Variants in MED12L observed in about 807,000 individuals in gnomAD.
MED12L encodes the protein mediator of RNA polymerase II transcription subunit 12-like protein.
MED12L carries 60 observed loss-of-function variants against 281.3 expected under a neutral mutation model. That is an observed-to-expected ratio of 0.21 (90% confidence interval 0.17 to 0.26). The LOEUF (loss-of-function observed/expected upper bound fraction) is 0.26. MED12L is among the 10% of genes least tolerant of loss of function. The pLI is 1.00. For missense variants in MED12L, 2,146 were observed against 2,680.9 expected, an observed-to-expected ratio of 0.80 and a Z score of 4.41; for synonymous variants, 974 against 987.2, an observed-to-expected ratio of 0.99 and a Z score of 0.25.
At chr3:151,088,934 C>T (rs1374576246) in intron 2 of MED12L, among the ~76,000 whole-genome samples, 3 of 152,106 alleles carry the variant, frequency 2.0e-5, no homozygotes, top group Non-Finnish European at 4.4e-5. Context: ...CTCTCCCAAG[C>T]AGACAGAGTT....
chr3:151,273,738 A>G lies in MED12L; in HGVS notation c.2251-76321A>G, dbSNP rs1043770013. On this transcript the variant is annotated intron_variant, in intron 16 of 44. Coordinates refer to ENST00000687756, the MANE Select transcript of MED12L (RefSeq NM_001393769.1). ...TGCCCACTTTTCATTATTATGCTAT[A>G]CTACTTGGCATTGTACACATAGGGA... Among the ~76,000 whole-genome samples the G allele has an allele frequency of 2.6e-5, 4 of 152,164 alleles. No homozygotes were observed. The East Asian group carries it at 7.7e-4, about 29-fold the overall frequency.
At chr3:151,279,042 T>C (rs1742373656) in intron 16 of MED12L, among the ~76,000 whole-genome samples, 1 of 152,242 alleles carries the variant, frequency 6.6e-6, no homozygotes, top group Non-Finnish European at 1.5e-5. Context: ...CTCTGTAATA[T>C]AATTGGTGAT....
At chr3:151,406,999 C>T (rs1716389719) in intron 39 of MED12L, among the ~76,000 whole-genome samples, 1 of 152,042 alleles carries the variant, frequency 6.6e-6, no homozygotes, top group Non-Finnish European at 1.5e-5. Context: ...TCAGATTTCA[C>T]CATGTTGCCC....
chr3:151,366,549 G>T (rs1326323192), intron 23 of MED12L, among the ~76,000 whole-genome samples: 3 of 152,138 alleles, frequency 2.0e-5, no homozygotes, highest in Non-Finnish European at 4.4e-5. Context: ...ATATCATGTT[G>T]CATCCATGAT....
intron 16 of MED12L, among the ~76,000 whole-genome samples, chr3:151,318,786 C>G (rs915253656): frequency 6.6e-6 from 1 of 152,004 alleles, no homozygotes; most frequent in African/African-American, 2.4e-5. Context: ...CTTCTAAGTG[C>G]GAAGAAGGGC....
chr3:151,268,687 A>T (rs1350162843), intron 16 of MED12L, among the ~76,000 whole-genome samples: 3 of 152,196 alleles, frequency 2.0e-5, no homozygotes, highest in African/African-American at 4.8e-5. Flanking sequence ...TTGAAAACAC[A>T]TTTCTTCTAA....
intron 40 of MED12L, among the ~76,000 whole-genome samples, chr3:151,409,663 A>T (rs1481307911): frequency 2.0e-5 from 3 of 152,186 alleles, no homozygotes; most frequent in Non-Finnish European, 4.4e-5. Context: ...TCAGTTTTGA[A>T]GTCATCATAT....
In MED12L at chr3:151,413,308, G is replaced by GA; in HGVS notation, c.6297+14dup. 1.9e-6 allele frequency: 3 copies of GA among 1,612,910 alleles called. No homozygotes were observed. In the South Asian group the frequency reaches 3.3e-5, roughly 18 times the overall value. Reference sequence around the variant, plus strand: ...GAGACTCCTCCAGGTACGGGGCAGGGAGATGAGGGCAATGCCATCACCCTT... The same window carrying GA: ...GAGACTCCTCCAGGTACGGGGCAGGGAAGATGAGGGCAATGCCATCACCCTT... On this transcript the variant is annotated intron_variant, in intron 42 of 44. Transcript: ENST00000687756.
chr3:151,208,915 G>T (rs1726752752), intron 16 of MED12L, among the ~76,000 whole-genome samples: 2 of 152,078 alleles, frequency 1.3e-5, no homozygotes, highest in South Asian at 4.1e-4. Flanking sequence ...TACCATGGGA[G>T]TTAAGGCTGG....
At chr3:151,377,650 TA>T (rs1178015681) in intron 30 of MED12L, among the ~76,000 whole-genome samples, 2 of 152,218 alleles carry the variant, frequency 1.3e-5, no homozygotes, top group African/African-American at 4.8e-5. Context: ...CCTTAAAAAT[TA>T]GCTATTAGTA....
chr3:151,087,117 G>C (rs566783000), intron 2 of MED12L, 92 bp downstream of exon 2: 1 of 1,061,200 alleles, frequency 9.4e-7, no homozygotes, highest in African/African-American at 1.6e-5. Flanking sequence ...CGCCGGCGCT[G>C]CGGTGGAAGA....
chr3:151,180,435 G>T (rs892147532), intron 11 of MED12L, among the ~76,000 whole-genome samples: 13 of 152,200 alleles, frequency 8.5e-5, no homozygotes, highest in African/African-American at 3.1e-4. Context: ...TCTCTAGAAG[G>T]TGAGCATTTT....
At chr3:151,199,471 A>T (rs1725212527) in intron 16 of MED12L, 2 of 1,163,108 alleles carry the variant, frequency 1.7e-6, no homozygotes, top group Non-Finnish European at 2.4e-6. Context: ...GGAGGTTAGT[A>T]ATTAAAATTA....
intron 2 of MED12L, among the ~76,000 whole-genome samples, chr3:151,102,189 C>G (rs11919212): frequency 0.22 from 34,030 of 151,966 alleles, 4,175 homozygotes; most frequent in African/African-American, 0.34. Flanking sequence ...ACTGCTTGTC[C>G]TGTGCTTTAA....
At chr3:151,359,472 C>T (rs1352886) in intron 20 of MED12L, among the ~76,000 whole-genome samples, 46,872 of 151,934 alleles carry the variant, frequency 0.31, 7,507 homozygotes, top group East Asian at 0.49. Flanking sequence ...ACCTATGGTA[C>T]CTGTGATTCC....
intron 43 of MED12L, among the ~76,000 whole-genome samples, chr3:151,424,488 G>C (rs1560150780): frequency 6.6e-6 from 1 of 152,046 alleles, no homozygotes; most frequent in African/African-American, 2.4e-5. Flanking sequence ...GTGTGGTGGT[G>C]GGCGCTGGTA....
Position 151,127,853 on chromosome 3 carries a change from T to C in MED12L, c.425T>C (p.Val142Ala). 6.2e-7 allele frequency: 1 copy of C among 1,611,818 alleles called. No homozygotes were observed. Among genetic ancestry groups the C allele is most frequent in the Non-Finnish European group, 8.5e-7 (1 of 1,178,102 alleles). Residue 142 changes from valine to alanine, a missense_variant, in exon 5 of 45, where the codon GTT becomes GCT. Val to Ala is a moderately conservative substitution (Grantham distance 64). Around this residue, in one of 9 missense-constraint regions of MED12L, gnomAD observed 722 missense variants for 861.2 expected, o/e 0.84. Coordinates refer to ENST00000687756, the MANE Select transcript of MED12L (RefSeq NM_001393769.1). The part of the protein sequence containing the change: ...KVPILSKKED[V>A]FAYLAKYSVP... ...CCTATCCTTAGTAAAAAAGAGGATG[T>C]TTTTGCATATTTAGCTAAATATTCT...
intron 26 of MED12L, among the ~76,000 whole-genome samples, 190 bp downstream of exon 26, chr3:151,369,739 A>G (rs1263526270): frequency 6.6e-6 from 1 of 152,136 alleles, no homozygotes; most frequent in African/African-American, 2.4e-5. Flanking sequence ...TCCCTTATCT[A>G]GTGTCTCTGG....
chr3:151,232,618 ATG>A (rs1308492597), intron 16 of MED12L, among the ~76,000 whole-genome samples: 2 of 152,250 alleles, frequency 1.3e-5, no homozygotes, highest in African/African-American at 4.8e-5. Context: ...TAAAAAAAGA[ATG>A]AGATCATGTC....
Sources: gnomAD v4.1 joint callset for allele counts (sites outside exome capture counted in the v4.1 genomes callset) on GRCh38, gnomAD v4.1.1 for gene constraint, gnomAD v4.1.1 regional missense constraint, MANE v1.5 for transcripts, NCBI Gene and HGNC (gene_info 2026-07-23, HGNC 2026-07-21) for gene names.